Variants in STAU2 observed in about 807,000 individuals in gnomAD.
STAU2 encodes the protein double-stranded RNA-binding protein Staufen homolog 2.
Under a neutral mutation model 65.9 loss-of-function variants are expected in STAU2, and 20 were observed. The ratio of observed to expected loss-of-function variants is 0.30; its 90% CI spans 0.21 to 0.44. The LOEUF (loss-of-function observed/expected upper bound fraction) is 0.44, where lower values mean the gene tolerates loss of function less well. Ranked by LOEUF, STAU2 falls within the 20% of genes least tolerant of loss-of-function variation. The pLI is 1.00. For missense variants in STAU2, 558 were observed against 683.9 expected (o/e 0.82, Z 2.05); for synonymous variants, 232 against 233.9 (o/e 0.99, Z 0.07).
At chr8:73,446,932 A>G (rs1037745354) in intron 13 of STAU2, among the ~76,000 whole-genome samples, 27 of 152,196 alleles carry the variant, frequency 1.8e-4, no homozygotes, top group African/African-American at 5.5e-4. Context: ...CTTATTTGTT[A>G]TATTCTTTTC....
intron 13 of STAU2, among the ~76,000 whole-genome samples, chr8:73,548,054 A>G (rs552995125): frequency 2.0e-5 from 3 of 152,224 alleles, no homozygotes; most frequent in South Asian, 4.1e-4. Context: ...AACATTTTAT[A>G]TAAGGGACTT....
rs1811231806 is a variant in STAU2, at chr8:73,596,984, A to T, written c.1030-1687T>A. On this transcript the variant is annotated intron_variant, in intron 10 of 14. Coordinates refer to ENST00000524300, the MANE Select transcript of STAU2 (RefSeq NM_001164380.2). ...ATGGACATATATCAAAACTTGAAGGACACAGCAAAAGGAGGGTCTAGAAGA... is the reference window on the plus strand; with the variant it reads ...ATGGACATATATCAAAACTTGAAGGTCACAGCAAAAGGAGGGTCTAGAAGA... 2.6e-5 allele frequency among the ~76,000 whole-genome samples: 4 copies of T among 152,296 alleles called. No homozygotes were observed. The South Asian group carries it at 8.3e-4, about 32-fold the overall frequency.
chr8:73,681,082 A>C (rs1190466012), intron 5 of STAU2, among the ~76,000 whole-genome samples: 8 of 152,120 alleles, frequency 5.3e-5, no homozygotes, highest in Non-Finnish European at 1.2e-4. Flanking sequence ...CTTGCTGGAG[A>C]TCTAGACATC....
chr8:73,526,326 T>C (rs1805453165), intron 13 of STAU2, among the ~76,000 whole-genome samples: 1 of 152,320 alleles, frequency 6.6e-6, no homozygotes, highest in East Asian at 1.9e-4. Context: ...ACCAATTACA[T>C]GATCTTCCCT....
At chr8:73,463,295 T>C (rs1819473596) in intron 13 of STAU2, among the ~76,000 whole-genome samples, 1 of 152,240 alleles carries the variant, frequency 6.6e-6, no homozygotes, top group African/African-American at 2.4e-5. Flanking sequence ...TACTTTCTTT[T>C]GACCTGCCTC....
chr8:73,574,624 G>A (rs552995824), intron 12 of STAU2, among the ~76,000 whole-genome samples: 1 of 152,254 alleles, frequency 6.6e-6, no homozygotes, highest in African/African-American at 2.4e-5. Context: ...GGATAAAGCT[G>A]GAAACCATCA....
chr8:73,580,185 AAACAT>A (rs1331559260), intron 12 of STAU2, among the ~76,000 whole-genome samples: 1 of 152,202 alleles, frequency 6.6e-6, no homozygotes, highest in Non-Finnish European at 1.5e-5. Context: ...GAGTTTAACA[AAACAT>A]AACAAACAAA....
intron 4 of STAU2, among the ~76,000 whole-genome samples, chr8:73,700,623 C>T (rs71527224): frequency 4.0e-5 from 6 of 151,766 alleles, no homozygotes; most frequent in African/African-American, 1.5e-4. Flanking sequence ...AGGAAGTGAA[C>T]GATCTCTACA....
intron 1 of STAU2, among the ~76,000 whole-genome samples, chr8:73,740,597 A>C (rs1277673306): frequency 1.3e-5 from 2 of 152,242 alleles, no homozygotes; most frequent in Non-Finnish European, 2.9e-5. Flanking sequence ...AACTTAAAAT[A>C]CAAACACAAC....
intron 13 of STAU2, among the ~76,000 whole-genome samples, chr8:73,442,310 C>T (rs1235565859): frequency 6.9e-6 from 1 of 143,916 alleles, no homozygotes; most frequent in Non-Finnish European, 1.5e-5. Context: ...GGCGAGATTG[C>T]ACCACTGCGC....
chr8:73,747,435 G>C (rs757709768), upstream of STAU2: 1 of 1,534,776 alleles, frequency 6.5e-7, no homozygotes, highest in South Asian at 1.2e-5. Flanking sequence ...GGGGACGCGC[G>C]ACCATCCCGC....
intron 3 of STAU2, among the ~76,000 whole-genome samples, chr8:73,717,223 C>T (rs1292250634): frequency 6.6e-6 from 1 of 152,022 alleles, no homozygotes; most frequent in South Asian, 2.1e-4. Flanking sequence ...ATTTTTTTCC[C>T]AAACTGTGGC....
intron 13 of STAU2, among the ~76,000 whole-genome samples, chr8:73,492,239 C>A (rs137887925): frequency 9.2e-5 from 14 of 151,824 alleles, no homozygotes; most frequent in African/African-American, 3.4e-4. Context: ...CAGAAAATTA[C>A]CAGGTATCCA....
At chr8:73,465,337 A>G (rs765356872) in intron 13 of STAU2, among the ~76,000 whole-genome samples, 12 of 152,212 alleles carry the variant, frequency 7.9e-5, no homozygotes, top group Non-Finnish European at 1.6e-4. Context: ...TTTTTACCAC[A>G]GTTCCTTTAC....
intron 13 of STAU2, among the ~76,000 whole-genome samples, chr8:73,434,241 A>C (rs962132457): frequency 9.6e-6 from 1 of 104,166 alleles, no homozygotes; most frequent in Non-Finnish European, 1.9e-5. Context: ...GACTCAACAC[A>C]AGGAATGTGA....
intron 6 of STAU2, among the ~76,000 whole-genome samples, chr8:73,669,414 G>C (rs1817494056): frequency 1.3e-5 from 2 of 152,202 alleles, no homozygotes; most frequent in East Asian, 3.9e-4. Context: ...ATAAGAATTA[G>C]ATCTTGGAAC....
intron 3 of STAU2, among the ~76,000 whole-genome samples, chr8:73,735,797 A>C (rs917467991): frequency 6.6e-6 from 1 of 152,216 alleles, no homozygotes; most frequent in Non-Finnish European, 1.5e-5. Flanking sequence ...CATGACCTGC[A>C]ACATAGCCAG....
At chr8:73,658,934 C>CAACAACAAAAAAAA (rs1816598555) in intron 6 of STAU2, among the ~76,000 whole-genome samples, 1 of 96,734 alleles carries the variant, frequency 1.0e-5, no homozygotes, top group African/African-American at 2.9e-5. Flanking sequence ...ACAACAACAA[C>CAACAACAAAAAAAA]AAAAACAACA....
chr8:73,683,725 A>G (rs939426075), intron 5 of STAU2, among the ~76,000 whole-genome samples: 2 of 152,194 alleles, frequency 1.3e-5, no homozygotes, highest in African/African-American at 4.8e-5. Flanking sequence ...GACTCAACCA[A>G]AAAGCTCCTA....
Sources: gnomAD v4.1 joint callset for allele counts (sites outside exome capture counted in the v4.1 genomes callset) on GRCh38, gnomAD v4.1.1 for gene constraint, MANE v1.5 for transcripts, NCBI Gene and HGNC (gene_info 2026-07-23, HGNC 2026-07-21) for gene names.